Variants in PRR16 observed in about 807,000 individuals in gnomAD.
PRR16 encodes the protein protein Largen.
Under a neutral mutation model 18.2 loss-of-function variants are expected in PRR16, and 6 were observed. That is an observed-to-expected ratio of 0.33 (90% confidence interval 0.18 to 0.65). PRR16 has a LOEUF of 0.65. Ranked by LOEUF, PRR16 falls within the 30% of genes least tolerant of loss-of-function variation. The pLI, the probability that PRR16 is intolerant of heterozygous loss-of-function variation, is 0.74. For missense variants in PRR16, 412 were observed against 376.6 expected (o/e 1.09, Z -0.78); for synonymous variants, 151 against 147.8 (o/e 1.02, Z -0.16).
At chr5:120,754,379 CAT>C in the PRR16 span, among the ~76,000 whole-genome samples, 3,774 of 30,460 alleles carry the variant, frequency 0.12, 423 homozygotes, top group Middle Eastern at 0.29. Context: ...TAATATATAA[CAT>C]ATATATTATA....
At chr5:120,748,293 C>A in the PRR16 span, among the ~76,000 whole-genome samples, 1 of 152,078 alleles carries the variant, frequency 6.6e-6, no homozygotes, top group Non-Finnish European at 1.5e-5. Flanking sequence ...ATATCTATCT[C>A]TTTCAGACAA....
At chr5:120,758,216 C>T in the PRR16 span, among the ~76,000 whole-genome samples, 148,567 of 152,214 alleles carry the variant, frequency 0.98, 72,616 homozygotes, top group East Asian at 1. Flanking sequence ...AAATATGTTA[C>T]GCAAATTTTT....
intron 1 of PRR16, among the ~76,000 whole-genome samples, chr5:120,533,694 G>T (rs1751624158): frequency 6.6e-6 from 1 of 152,188 alleles, no homozygotes; most frequent in Non-Finnish European, 1.5e-5. Context: ...GAGGGAGCAA[G>T]GAGATGTTTT....
At chr5:120,484,456 T>C (rs1050980507) in intron 1 of PRR16, among the ~76,000 whole-genome samples, 2 of 145,158 alleles carry the variant, frequency 1.4e-5, no homozygotes, top group Admixed American at 1.4e-4. Context: ...AGATATATTT[T>C]ATATCTAATA....
intron 1 of PRR16, among the ~76,000 whole-genome samples, chr5:120,595,623 A>T (rs1401858343): frequency 6.6e-6 from 1 of 151,828 alleles, no homozygotes; most frequent in Non-Finnish European, 1.5e-5. Flanking sequence ...TGTACACCAC[A>T]CTCCATGACA....
intron 1 of PRR16, among the ~76,000 whole-genome samples, chr5:120,492,036 C>A (rs931064053): frequency 6.6e-6 from 1 of 151,272 alleles, no homozygotes; most frequent in Admixed American, 6.6e-5. Context: ...AGGGTTTGTA[C>A]ATTATAGTGT....
the PRR16 span, among the ~76,000 whole-genome samples, chr5:120,740,193 G>A: frequency 6.6e-6 from 1 of 152,080 alleles, no homozygotes; most frequent in Non-Finnish European, 1.5e-5. Context: ...AAGCAGAAAT[G>A]GTGCCCTGGT....
In PRR16 at chr5:120,549,640, T is replaced by C. The variant is rs300976; in HGVS notation, c.159+84995T>C. ...TCAGAACATCTTATAATTTAGGAGC[T>C]AAACATGTCTTGGCTAAAGTAGATA... On this transcript the variant is annotated intron_variant, in intron 1 of 1. Transcript: ENST00000407149. 7.6e-3 allele frequency among the ~76,000 whole-genome samples: 1,151 copies of C among 152,114 alleles called. 12 individuals are homozygous for C. The highest frequency in any genetic ancestry group is 0.012 in the Non-Finnish European group (799 of 67,940).
chr5:120,616,743 A>T (rs967066479), intron 1 of PRR16, among the ~76,000 whole-genome samples: 2 of 152,188 alleles, frequency 1.3e-5, no homozygotes, highest in African/African-American at 4.8e-5. Context: ...TTGAATGATG[A>T]GTCAGTGGTA....
chr5:120,742,249 G>A, the PRR16 span, among the ~76,000 whole-genome samples: 1 of 144,554 alleles, frequency 6.9e-6, no homozygotes, highest in Non-Finnish European at 1.5e-5. Context: ...TATTTTTAAT[G>A]CTTCTATTTT....
chr5:120,526,620 A>C (rs995194778), intron 1 of PRR16, among the ~76,000 whole-genome samples: 2 of 152,214 alleles, frequency 1.3e-5, no homozygotes, highest in African/African-American at 4.8e-5. Context: ...GCTCTCTACC[A>C]GAGATTGGAA....
chr5:120,585,214 AT>A (rs1168634945), intron 1 of PRR16, among the ~76,000 whole-genome samples: 2 of 152,230 alleles, frequency 1.3e-5, no homozygotes, highest in African/African-American at 4.8e-5. Flanking sequence ...TATTGTTTAA[AT>A]TTTGAGTCAG....
intron 1 of PRR16, among the ~76,000 whole-genome samples, chr5:120,544,218 G>T (rs1200251112): frequency 6.6e-6 from 1 of 152,154 alleles, no homozygotes; most frequent in Non-Finnish European, 1.5e-5. Flanking sequence ...TTACTCAGCT[G>T]CTAGGGACTG....
intron 1 of PRR16, among the ~76,000 whole-genome samples, chr5:120,471,084 A>C (rs994463401): frequency 5.9e-5 from 9 of 152,116 alleles, no homozygotes; most frequent in Non-Finnish European, 1.5e-5. Context: ...TCATTATTTC[A>C]TTAAGGCTTG....
intron 1 of PRR16, among the ~76,000 whole-genome samples, chr5:120,486,476 C>T (rs10463473): frequency 0.59 from 89,012 of 150,798 alleles, 27,106 homozygotes; most frequent in East Asian, 0.95. Flanking sequence ...TCATGTCCTT[C>T]GCCCACTTTT....
At chr5:120,678,388 A>C (rs1163926506) in intron 1 of PRR16, among the ~76,000 whole-genome samples, 1 of 152,216 alleles carries the variant, frequency 6.6e-6, no homozygotes, top group Non-Finnish European at 1.5e-5. Context: ...TAGGATGGAA[A>C]TAAAGGCAAC....
the PRR16 span, among the ~76,000 whole-genome samples, chr5:120,718,491 G>A: frequency 6.6e-6 from 1 of 152,076 alleles, no homozygotes; most frequent in Admixed American, 6.6e-5. Context: ...AGTCTCCAAA[G>A]GAGCAGTAGT....
At chr5:120,695,920 CAT>C in the PRR16 span, among the ~76,000 whole-genome samples, 8 of 82,816 alleles carry the variant, frequency 9.7e-5, no homozygotes, top group East Asian at 2.2e-3. Context: ...CTTATTCCAA[CAT>C]ATATATGTGT....
the PRR16 span, among the ~76,000 whole-genome samples, chr5:120,767,094 G>C: frequency 1.3e-5 from 2 of 151,918 alleles, no homozygotes; most frequent in African/African-American, 2.4e-5. Flanking sequence ...TTTGGGAACA[G>C]ATGGTCACAA....
Sources: allele counts gnomAD v4.1 joint callset (sites outside exome capture counted in the v4.1 genomes callset), GRCh38; gene constraint gnomAD v4.1.1; transcripts MANE v1.5; gene names NCBI Gene and HGNC (gene_info 2026-07-23, HGNC 2026-07-21).